The following SYT10 variants were observed in gnomAD, a reference collection of about 807,000 sequenced individuals.
The protein encoded by SYT10 is synaptotagmin 10, also known as synaptotagmin-10.
A neutral mutation model predicts 51.1 loss-of-function variants in SYT10; 31 were observed. The observed-to-expected ratio is 0.61, with a 90% CI of 0.46 to 0.82. The LOEUF is 0.82. SYT10 is among the 40% of genes least tolerant of loss of function. The pLI is 0.00. For synonymous variants in SYT10, 233 were observed against 225.9 expected, an observed-to-expected ratio of 1.03 and a Z score of -0.28; for missense variants, 603 against 634.0, an observed-to-expected ratio of 0.95 and a Z score of 0.53.
At chr12:33,435,437 C>T (rs974752977) in intron 1 of SYT10, among the ~76,000 whole-genome samples, 5 of 152,134 alleles carry the variant, frequency 3.3e-5, no homozygotes, top group African/African-American at 9.7e-5. Context: ...GACAATGAGA[C>T]TAGACATAGT....
At chr12:33,392,044 C>A (rs758200638) in intron 3 of SYT10, among the ~76,000 whole-genome samples, 4 of 152,160 alleles carry the variant, frequency 2.6e-5, no homozygotes, top group Non-Finnish European at 5.9e-5. Context: ...ATAAACCAGT[C>A]ATAATAGTTT....
intron 1 of SYT10, among the ~76,000 whole-genome samples, chr12:33,427,535 A>G (rs1451863906): frequency 6.6e-6 from 1 of 152,186 alleles, no homozygotes; most frequent in Non-Finnish European, 1.5e-5. Context: ...GGCATGGGAG[A>G]AAGAGAATTC....
At chr12:33,381,021 T>A (rs542581880) in intron 5 of SYT10, among the ~76,000 whole-genome samples, 1 of 152,146 alleles carries the variant, frequency 6.6e-6, no homozygotes, top group Non-Finnish European at 1.5e-5. Context: ...CCTGTGTATA[T>A]CTTGTTAGCA....
intron 1 of SYT10, among the ~76,000 whole-genome samples, chr12:33,426,817 A>G (rs143159860): frequency 2.0e-5 from 3 of 152,348 alleles, no homozygotes; most frequent in African/African-American, 7.2e-5. Flanking sequence ...CCATGAAGCC[A>G]TGAGGCAAGA....
At chr12:33,405,069 C>A (rs1222105485) in intron 3 of SYT10, 2 of 151,688 alleles carry the variant, frequency 1.3e-5, no homozygotes, top group Non-Finnish European at 2.9e-5. Context: ...TTTTAGATTT[C>A]ATTGGCAGAT....
At chr12:33,433,524 G>A (rs1866613434) in intron 1 of SYT10, among the ~76,000 whole-genome samples, 1 of 152,078 alleles carries the variant, frequency 6.6e-6, no homozygotes, top group Non-Finnish European at 1.5e-5. Flanking sequence ...AGGATTATAT[G>A]CGTTCAAAGT....
At chr12:33,383,257 T>TAC (rs1866131062) in intron 4 of SYT10, among the ~76,000 whole-genome samples, 1 of 152,150 alleles carries the variant, frequency 6.6e-6, no homozygotes, top group Admixed American at 6.5e-5. Flanking sequence ...TTGGGTTGAG[T>TAC]ACACTAGATA....
chr12:33,398,457 G>A (rs1411141888), intron 3 of SYT10, among the ~76,000 whole-genome samples: 2 of 152,060 alleles, frequency 1.3e-5, no homozygotes, highest in Non-Finnish European at 2.9e-5. Context: ...AGGTTGCAAC[G>A]AGCCGAGATC....
In SYT10 at chr12:33,375,856, A is replaced by G. The variant is rs1210237743; in HGVS notation, c.*974T>C. On this transcript the variant is annotated 3_prime_UTR_variant, in exon 7 of 7. Transcript: ENST00000228567. ...CTGTGTACAATCTAAACGGTGATGA[A>G]CACAGACAGTGTTGTTGTTCCTTTG... is the stretch of plus-strand genomic sequence containing the variant. 6.6e-6 allele frequency: 1 copy of G among 152,572 alleles called. No individual in the cohort carries two copies. Among genetic ancestry groups the G allele is most frequent in the African/African-American group, 2.4e-5 (1 of 41,452 alleles). 9.5% of individuals were successfully genotyped at this position (152,572 alleles called of 1,614,324 possible).
intron 3 of SYT10, among the ~76,000 whole-genome samples, chr12:33,399,587 A>C (rs551997168): frequency 2.0e-5 from 3 of 152,328 alleles, no homozygotes; most frequent in African/African-American, 7.2e-5. Context: ...ATCTAACCTG[A>C]AAATAACATA....
intron 2 of SYT10, among the ~76,000 whole-genome samples, chr12:33,415,250 A>G (rs1339374542): frequency 6.6e-6 from 1 of 152,200 alleles, no homozygotes; most frequent in Non-Finnish European, 1.5e-5. Flanking sequence ...TATATTATAT[A>G]TGACTTTCCC....
chr12:33,424,197 A>C (rs1308089239), intron 2 of SYT10, among the ~76,000 whole-genome samples: 1 of 152,162 alleles, frequency 6.6e-6, no homozygotes, highest in Non-Finnish European at 1.5e-5. Context: ...TTACTGAGAA[A>C]TTCATAGCTA....
At chr12:33,392,160 G>A (rs1386713470) in intron 3 of SYT10, among the ~76,000 whole-genome samples, 2 of 152,142 alleles carry the variant, frequency 1.3e-5, no homozygotes, top group African/African-American at 2.4e-5. Flanking sequence ...CTAGTCTTGT[G>A]TGATATGGGA....
intron 3 of SYT10, among the ~76,000 whole-genome samples, chr12:33,403,811 TAAG>T (rs979770716): frequency 2.0e-5 from 3 of 152,070 alleles, no homozygotes; most frequent in Non-Finnish European, 4.4e-5. Context: ...TTTTTACTAA[TAAG>T]AAGATGTAAC....
intron 2 of SYT10, among the ~76,000 whole-genome samples, chr12:33,419,176 C>T (rs945407080): frequency 6.6e-6 from 1 of 152,106 alleles, no homozygotes; most frequent in African/African-American, 2.4e-5. Flanking sequence ...TACAACACTG[C>T]CTCCCATTCA....
chr12:33,379,299 C>T (rs959732868), intron 6 of SYT10, among the ~76,000 whole-genome samples: 1 of 152,026 alleles, frequency 6.6e-6, no homozygotes, highest in African/African-American at 2.4e-5. Context: ...TTGAACTCGA[C>T]TAAACTGACA....
At chr12:33,376,983 A>C in intron 6 of SYT10, 82 bp from the exon 7 acceptor site, 1 of 1,386,284 alleles carries the variant, frequency 7.2e-7, no homozygotes, top group East Asian at 2.3e-5. Flanking sequence ...TTAAATAGTG[A>C]ATATTCAACC....
At chr12:33,385,989 A>C (rs574337650) in intron 3 of SYT10, among the ~76,000 whole-genome samples, 1 of 152,222 alleles carries the variant, frequency 6.6e-6, no homozygotes, top group East Asian at 1.9e-4. Flanking sequence ...CCTGGTTTAT[A>C]CCTATTATTA....
intron 2 of SYT10, among the ~76,000 whole-genome samples, chr12:33,422,965 T>C (rs1866518647): frequency 1.3e-5 from 2 of 152,152 alleles, no homozygotes; most frequent in Non-Finnish European, 2.9e-5. Flanking sequence ...TAAATATATG[T>C]TGAATAAGGT....
Sources: allele counts gnomAD v4.1 joint callset (sites outside exome capture counted in the v4.1 genomes callset), GRCh38; gene constraint gnomAD v4.1.1; transcripts MANE v1.5; gene names NCBI Gene and HGNC (gene_info 2026-07-23, HGNC 2026-07-21).